Variants in RIPK1 observed in about 807,000 individuals in gnomAD.
The protein encoded by RIPK1 is receptor interacting serine/threonine kinase 1.
RIPK1 carries 27 observed loss-of-function variants against 62.4 expected under a neutral mutation model. The ratio of observed to expected loss-of-function variants is 0.43; its 90% CI spans 0.32 to 0.60. The LOEUF is 0.60. RIPK1 is among the 20% of genes least tolerant of loss of function. The pLI is 0.07. For missense variants in RIPK1, 735 were observed against 831.0 expected (o/e 0.88, Z 1.42); for synonymous variants, 287 against 303.2 (o/e 0.95, Z 0.55).
intron 7 of RIPK1, among the ~76,000 whole-genome samples, chr6:3,097,598 T>A (rs1323010349): frequency 6.6e-6 from 1 of 152,136 alleles, no homozygotes; most frequent in Non-Finnish European, 1.5e-5. Context: ...AGCTCCAGGT[T>A]GATTACTGAC....
chr6:3,067,225 T>G (rs1211595616), upstream of RIPK1, among the ~76,000 whole-genome samples: 2 of 151,984 alleles, frequency 1.3e-5, no homozygotes, highest in African/African-American at 4.8e-5. Flanking sequence ...TGTACAGGTG[T>G]TTGTATGGGC....
At chr6:3,064,582 C>T (rs560726928), upstream of RIPK1, among the ~76,000 whole-genome samples, 1 of 152,298 alleles carries the variant, frequency 6.6e-6, no homozygotes, top group African/African-American at 2.4e-5. Flanking sequence ...GCCTGCAGAG[C>T]CTGCGGTCTG....
rs564057347 is a variant in RIPK1 at position 3,114,433 on chromosome 6, G to A, written c.*1094G>A. 1.3e-5 allele frequency: 2 copies of A among 152,332 alleles called. No homozygotes were observed. Among genetic ancestry groups the A allele is most frequent in the East Asian group, 1.9e-4 (1 of 5,186 alleles). 9.4% of individuals were successfully genotyped at this position (152,332 alleles called of 1,614,324 possible). Reference sequence around the variant, plus strand: ...CCTTTCAAAGCCCACCTGAAACCTGGGGGTGGATGAAAGAACTAGAATAGA... The same window carrying A: ...CCTTTCAAAGCCCACCTGAAACCTGAGGGTGGATGAAAGAACTAGAATAGA... On this transcript the variant is annotated 3_prime_UTR_variant, in exon 11 of 11. Coordinates refer to ENST00000259808, the MANE Select transcript of RIPK1 (RefSeq NM_001354930.2). The surrounding 1 kb of genome is among the most constrained non-coding windows in gnomAD (Gnocchi z 5.0).
At chr6:3,082,174 C>T (rs2113602530) in intron 4 of RIPK1, among the ~76,000 whole-genome samples, 1 of 152,278 alleles carries the variant, frequency 6.6e-6, no homozygotes, top group Non-Finnish European at 1.5e-5. Context: ...CTGGGGGAGG[C>T]ACCCAGGAGC....
Position 3,105,639 on chromosome 6 carries a change from C to T in RIPK1, c.1164C>T (p.Gly388=). ...ACGAAGCCAACTACCATCTTTATGG[C>T]AGCCGCATGGACAGGCAGACGAAAC... is the stretch of plus-strand genomic sequence containing the variant. The part of the protein sequence containing the change: ...LQDEANYHLY[G]SRMDRQTKQQ... The change falls in exon 9 of 11, where the codon GGC becomes GGT. Residue 388 remains glycine (G), a synonymous_variant. Coordinates refer to ENST00000259808, the MANE Select transcript of RIPK1 (RefSeq NM_001354930.2). This position sits in a 1 kb window ranked among gnomAD's most constrained non-coding sequence, Gnocchi z 4.5. 6.2e-7 allele frequency: 1 copy of T among 1,614,016 alleles called. No individual in the cohort carries two copies. Among genetic ancestry groups the T allele is most frequent in the South Asian group, 1.1e-5 (1 of 91,060 alleles).
At chr6:3,107,252 GAA>G (rs761852945) in intron 9 of RIPK1, among the ~76,000 whole-genome samples, 1 of 117,466 alleles carries the variant, frequency 8.5e-6, no homozygotes, top group Non-Finnish European at 1.8e-5. Flanking sequence ...ATTGTGTCTC[GAA>G]AAAAAAAAAA....
chr6:3,068,224 A>G, upstream of RIPK1: 1 of 985,490 alleles, frequency 1.0e-6, no homozygotes, highest in Non-Finnish European at 1.2e-6. Context: ...GCTAACCCGC[A>G]GAGCTCTGAA....
rs551075647 is a variant in RIPK1, at chr6:3,085,094, C to T, written c.689-165C>T. Among the ~76,000 whole-genome samples, 3 of 152,294 alleles carry T rather than the reference C, an allele frequency of 2.0e-5. No homozygotes were observed. The South Asian group carries it at 6.2e-4, about 32-fold the overall frequency. On this transcript the variant is annotated intron_variant, in intron 5 of 10. Transcript: ENST00000259808. ...TGCAGACATTAAGATATTGTTTGGT[C>T]ATCTCTGTAGTGGAATATGTCAGCT...
intron 1 of RIPK1, 197 bp downstream of exon 1, chr6:3,068,858 T>A (rs544982792): frequency 2.3e-4 from 45 of 197,570 alleles, no homozygotes; most frequent in Middle Eastern, 2.5e-3. Flanking sequence ...GAAACGAAAG[T>A]AACGCTCGGG....
At chr6:3,103,247 C>T (rs1159864986) in intron 7 of RIPK1, among the ~76,000 whole-genome samples, 6 of 150,860 alleles carry the variant, frequency 4.0e-5, no homozygotes, top group Non-Finnish European at 7.4e-5. Context: ...GGATTTCATC[C>T]GTTTTCAGAT....
chr6:3,064,472 A>C (rs1321541633), upstream of RIPK1, among the ~76,000 whole-genome samples: 2 of 152,092 alleles, frequency 1.3e-5, no homozygotes, highest in Non-Finnish European at 2.9e-5. Flanking sequence ...ACTCTTACCC[A>C]TTCTAATTCT....
chr6:3,086,142 T>C (rs1337783309), intron 6 of RIPK1, among the ~76,000 whole-genome samples: 1 of 152,182 alleles, frequency 6.6e-6, no homozygotes, highest in Non-Finnish European at 1.5e-5. Flanking sequence ...TGCCGGGATG[T>C]TTGCTGAGCA....
At chr6:3,095,458 A>G (rs751832341) in intron 7 of RIPK1, among the ~76,000 whole-genome samples, 3 of 152,248 alleles carry the variant, frequency 2.0e-5, no homozygotes, top group Non-Finnish European at 4.4e-5. Context: ...TTGTGTAAGC[A>G]TAACCTTGAT....
chr6:3,114,415 A>G lies in RIPK1; in HGVS notation c.*1076A>G, dbSNP rs1761309610. The G allele has an allele frequency of 6.6e-6, 1 of 152,244 alleles. No homozygotes were observed. The highest frequency in any genetic ancestry group is 6.5e-5 in the Admixed American group (1 of 15,286). The allele number at this position is 152,244 out of a possible 1,614,324, so 9.4% of individuals were successfully genotyped here. A position where few individuals can be genotyped will look rare whatever the true frequency, so the allele number is the denominator to read the frequency against. ...TGTGCCTCTAGCACCCAGCCTTTCA[A>G]AGCCCACCTGAAACCTGGGGGTGGA... On this transcript the variant is annotated 3_prime_UTR_variant, in exon 11 of 11. Coordinates refer to ENST00000259808, the MANE Select transcript of RIPK1 (RefSeq NM_001354930.2). The surrounding 1 kb of genome is among the most constrained non-coding windows in gnomAD (Gnocchi z 5.0).
intron 1 of RIPK1, among the ~76,000 whole-genome samples, chr6:3,070,136 A>G (rs1313204348): frequency 6.6e-6 from 1 of 152,252 alleles, no homozygotes; most frequent in African/African-American, 2.4e-5. Context: ...CAAAAATGAT[A>G]ACTTTTAATA....
intron 3 of RIPK1, among the ~76,000 whole-genome samples, chr6:3,078,429 C>T (rs1374603637): frequency 6.6e-6 from 1 of 152,188 alleles, no homozygotes; most frequent in African/African-American, 2.4e-5. Flanking sequence ...GTCTCTTCAT[C>T]CTCTCGATCC....
intron 10 of RIPK1, among the ~76,000 whole-genome samples, chr6:3,112,261 C>G (rs1024827052): frequency 1.3e-5 from 2 of 152,120 alleles, no homozygotes; most frequent in Non-Finnish European, 2.9e-5. Context: ...CTGGACAATT[C>G]CTTGATTAAG....
upstream of RIPK1, chr6:3,064,088 T>C (rs1349293873): frequency 6.6e-6 from 1 of 151,536 alleles, no homozygotes; most frequent in Non-Finnish European, 1.5e-5. Flanking sequence ...ACGGCCGGGG[T>C]GGAGCACGGG....
chr6:3,080,948 C>CATTT, intron 3 of RIPK1, 31 bp from the exon 4 acceptor site: 2 of 1,606,064 alleles, frequency 1.2e-6, no homozygotes, highest in Non-Finnish European at 1.7e-6. Context: ...ATAACCTTTC[C>CATTT]ATTTCATAGA....
Sources: allele counts gnomAD v4.1 joint callset (sites outside exome capture counted in the v4.1 genomes callset), GRCh38; gene constraint gnomAD v4.1.1; non-coding constraint Gnocchi (gnomAD v3.1); transcripts MANE v1.5; gene names NCBI Gene and HGNC (gene_info 2026-07-23, HGNC 2026-07-21).